Variants in CELF2 observed in about 807,000 individuals in gnomAD.
CELF2 encodes CUGBP Elav-like family member 2.
In CELF2, 8 loss-of-function variants were observed where a neutral mutation model predicts 62.6. The ratio of observed to expected loss-of-function variants is 0.13; its 90% CI spans 0.07 to 0.23. The LOEUF is 0.23. CELF2 is among the 10% of genes least tolerant of loss of function. CELF2 has a pLI of 1.00. For synonymous variants in CELF2, 258 were observed against 250.0 expected, an observed-to-expected ratio of 1.03 and a Z score of -0.30; for missense variants, 333 against 671.0, an observed-to-expected ratio of 0.50 and a Z score of 5.56.
the CELF2 span, among the ~76,000 whole-genome samples, chr10:10,609,289 A>G: frequency 1.4e-3 from 208 of 152,338 alleles, 1 homozygote; most frequent in African/African-American, 4.7e-3. Context: ...TGCTGCCACC[A>G]GCACTACCAT....
In CELF2 at chr10:11,280,249, G is replaced by T. The variant is rs969979938; in HGVS notation, c.841+5129G>T. ...AAGTGAAGCCCGCTGTTAGTTCTGG[G>T]GAGGAATAAGGGGAGTTGCAGGAGA... On this transcript the variant is annotated intron_variant, in intron 8 of 12. Coordinates refer to ENST00000633077, the MANE Select transcript of CELF2 (RefSeq NM_001326342.2). The surrounding 1 kb of genome is among the most constrained non-coding windows in gnomAD (Gnocchi z 7.6). 6.6e-6 allele frequency among the ~76,000 whole-genome samples: 1 copy of T among 152,180 alleles called. No homozygotes were observed. Among genetic ancestry groups the T allele is most frequent in the African/African-American group, 2.4e-5 (1 of 41,444 alleles).
chr10:10,954,656 G>A (rs925931152), intron 2 of CELF2, among the ~76,000 whole-genome samples: 4 of 152,112 alleles, frequency 2.6e-5, no homozygotes, highest in African/African-American at 9.7e-5. Context: ...TTATTTAAAA[G>A]TTATCTAATC....
chr10:11,055,002 A>G (rs1046870048), intron 1 of CELF2, among the ~76,000 whole-genome samples: 1 of 152,242 alleles, frequency 6.6e-6, no homozygotes, highest in Non-Finnish European at 1.5e-5. Context: ...GGCTTGCGCC[A>G]CCGCACCCGG....
chr10:11,059,377 G>A (rs956728310), intron 1 of CELF2, among the ~76,000 whole-genome samples: 2 of 151,744 alleles, frequency 1.3e-5, no homozygotes, highest in Non-Finnish European at 2.9e-5. Context: ...ATTTGGGAGG[G>A]TTTGAGCCAT....
intron 2 of CELF2, among the ~76,000 whole-genome samples, chr10:11,194,272 G>C (rs2056825696): frequency 6.6e-6 from 1 of 151,788 alleles, no homozygotes; most frequent in Non-Finnish European, 1.5e-5. Flanking sequence ...CACCATCTTG[G>C]CCAGGATGAT....
the CELF2 span, among the ~76,000 whole-genome samples, chr10:10,781,168 G>C: frequency 6.6e-6 from 1 of 152,128 alleles, no homozygotes; most frequent in Non-Finnish European, 1.5e-5. Flanking sequence ...ACCACATAAT[G>C]GCATTTTGGT....
rs114279958 is a variant in CELF2, at chr10:11,044,063, C to T, written c.74+25900C>T. On this transcript the variant is annotated intron_variant, in intron 1 of 12. Coordinates refer to ENST00000633077, the MANE Select transcript of CELF2 (RefSeq NM_001326342.2). The stretch of plus-strand genomic sequence containing the variant: ...CCCTCAGTTGTGGGCACGGCCTTTG[C>T]GTCTTCACTTCTTCTAAGAATCTAC... Among the ~76,000 whole-genome samples, 602 of 152,308 alleles carry T rather than the reference C, an allele frequency of 4.0e-3. 6 individuals carry two copies. The highest frequency in any genetic ancestry group is 0.014 in the African/African-American group (578 of 41,570).
At chr10:10,842,388 T>C (rs2132542985) in intron 1 of CELF2, among the ~76,000 whole-genome samples, 1 of 152,204 alleles carries the variant, frequency 6.6e-6, no homozygotes, top group East Asian at 1.9e-4. Flanking sequence ...GGGAAAATTG[T>C]TCAGGATCTC....
chr10:10,605,002 C>G, the CELF2 span, among the ~76,000 whole-genome samples: 9 of 152,240 alleles, frequency 5.9e-5, no homozygotes, highest in South Asian at 1.7e-3. Flanking sequence ...TTCACAATAG[C>G]AAAGACATGG....
intron 2 of CELF2, among the ~76,000 whole-genome samples, chr10:10,973,011 C>T (rs958850630): frequency 7.2e-5 from 11 of 152,092 alleles, no homozygotes; most frequent in Non-Finnish European, 1.5e-4. Flanking sequence ...AGAAGGCAGC[C>T]GGGCACGGTG....
rs1431503405 is a variant in CELF2, at chr10:11,309,923, C to T, written c.977-4216C>T. On this transcript the variant is annotated intron_variant, in intron 9 of 12. Transcript: ENST00000633077. This position sits in a 1 kb window ranked among gnomAD's most constrained non-coding sequence, Gnocchi z 5.6. ...CCCTTTGTTCTTGTGACCTGTCTCT[C>T]CCTGCTCTGGAGGTGGTGCAGGGGC... 6.6e-6 allele frequency among the ~76,000 whole-genome samples: 1 copy of T among 152,190 alleles called. No individual in the cohort carries two copies. The highest frequency in any genetic ancestry group is 1.5e-5 in the Non-Finnish European group (1 of 68,014).
chr10:11,226,571 A>G (rs2066617603), intron 3 of CELF2, among the ~76,000 whole-genome samples: 1 of 151,308 alleles, frequency 6.6e-6, no homozygotes, highest in Non-Finnish European at 1.5e-5. Flanking sequence ...CAGCAGCATG[A>G]ACCTAGAAGT....
chr10:10,999,622 A>G (rs1464091144), intron 2 of CELF2, among the ~76,000 whole-genome samples: 1 of 152,164 alleles, frequency 6.6e-6, no homozygotes, highest in East Asian at 1.9e-4. Context: ...AAAAAATTAA[A>G]AAGAGTTGTG....
chr10:11,256,745 G>A (rs890747528), intron 4 of CELF2, among the ~76,000 whole-genome samples: 11 of 151,204 alleles, frequency 7.3e-5, no homozygotes, highest in African/African-American at 1.9e-4. Context: ...CTCGTCTTTC[G>A]GGCCGAAAGT....
At chr10:11,111,901 A>C (rs533620861) in intron 1 of CELF2, among the ~76,000 whole-genome samples, 2 of 152,210 alleles carry the variant, frequency 1.3e-5, no homozygotes, top group African/African-American at 2.4e-5. Context: ...ATAATAATCA[A>C]ATGTTTGGAG....
At chr10:10,645,291 C>A in the CELF2 span, among the ~76,000 whole-genome samples, 538 of 152,296 alleles carry the variant, frequency 3.5e-3, 2 homozygotes, top group African/African-American at 0.012. Context: ...CCACCCTACT[C>A]ACATAGGCCA....
Position 11,329,857 on chromosome 10 carries a change from TA to T in CELF2, c.*807del. 1 of 152,128 alleles carries T rather than the reference TA, an allele frequency of 6.6e-6. No homozygotes were observed. Among genetic ancestry groups the T allele is most frequent in the East Asian group, 1.9e-4 (1 of 5,204 alleles). 9.4% of individuals were successfully genotyped at this position (152,128 alleles called of 1,614,324 possible). On this transcript the variant is annotated 3_prime_UTR_variant, in exon 13 of 13. Coordinates refer to ENST00000633077, the MANE Select transcript of CELF2 (RefSeq NM_001326342.2). The surrounding 1 kb of genome is among the most constrained non-coding windows in gnomAD (Gnocchi z 5.5). Reference sequence around the variant, plus strand: ...AATAATAAATAAATACATAAATACATAAATAAAAAAGAAAGCCACAGGCCTG... The same window carrying T: ...AATAATAAATAAATACATAAATACATAATAAAAAAGAAAGCCACAGGCCTG...
At chr10:11,090,413 T>C (rs894502261) in intron 1 of CELF2, among the ~76,000 whole-genome samples, 8 of 152,186 alleles carry the variant, frequency 5.3e-5, no homozygotes, top group East Asian at 1.9e-4. Flanking sequence ...GCTGCTTTTA[T>C]GTACTTCTTT....
intron 1 of CELF2, among the ~76,000 whole-genome samples, chr10:11,076,719 T>A (rs1333379310): frequency 6.6e-6 from 1 of 152,206 alleles, no homozygotes; most frequent in Non-Finnish European, 1.5e-5. Context: ...AAGTTTATAG[T>A]CAAAGAAGCA....
Sources: allele counts gnomAD v4.1 joint callset (sites outside exome capture counted in the v4.1 genomes callset), GRCh38; gene constraint gnomAD v4.1.1; non-coding constraint Gnocchi (gnomAD v3.1); transcripts MANE v1.5; gene names NCBI Gene and HGNC (gene_info 2026-07-23, HGNC 2026-07-21).